Variants in SLC5A10 observed in about 807,000 individuals in gnomAD.
SLC5A10 encodes the protein sodium/mannose cotransporter SLC5A10.
In SLC5A10, 55 loss-of-function variants were observed where a neutral mutation model predicts 68.9. That is an observed-to-expected ratio of 0.80 (90% confidence interval 0.64 to 1.00). SLC5A10 has a LOEUF of 1.00. SLC5A10 is among the 50% of genes least tolerant of loss of function. The pLI, the probability that SLC5A10 is intolerant of heterozygous loss-of-function variation, is 0.00. For missense variants in SLC5A10, 732 were observed against 819.3 expected, an observed-to-expected ratio of 0.89 and a Z score of 1.30; for synonymous variants, 344 against 344.8, an observed-to-expected ratio of 1.00 and a Z score of 0.02.
intron 3 of SLC5A10, 40 bp downstream of exon 3, chr17:18,959,279 G>T (rs745960581): frequency 1.0e-5 from 16 of 1,591,232 alleles, no homozygotes; most frequent in Middle Eastern, 3.8e-4. Context: ...GAGGGCCAGG[G>T]CACAGGATGT....
chr17:18,994,241 C>G (rs531928077), intron 9 of SLC5A10, among the ~76,000 whole-genome samples: 6 of 152,354 alleles, frequency 3.9e-5, no homozygotes, highest in African/African-American at 1.4e-4. Context: ...CCATGGACAA[C>G]AGGCTTCAAT....
At chr17:18,979,584 A>G (rs1305893077) in intron 9 of SLC5A10, 2 of 1,613,520 alleles carry the variant, frequency 1.2e-6, no homozygotes, top group Non-Finnish European at 1.7e-6. Flanking sequence ...CTCCATCCAC[A>G]AACATGAACT....
At position 18,968,290 on chromosome 17, in the gene SLC5A10, T is replaced by C. The variant is rs1204325395; in HGVS notation, c.454-762T>C. 6.6e-6 allele frequency among the ~76,000 whole-genome samples: 1 copy of C among 152,106 alleles called. No individual in the cohort carries two copies. Among genetic ancestry groups the C allele is most frequent in the East Asian group, 1.9e-4 (1 of 5,190 alleles). ...AAAGCAGAATGGTAGGTTTAGGAAC[T>C]CAGGGGTGGGGCAAGGTGAAGCCTG... is the stretch of plus-strand genomic sequence containing the variant. On this transcript the variant is annotated intron_variant, in intron 5 of 14. Transcript: ENST00000395645. The surrounding 1 kb of genome is among the most constrained non-coding windows in gnomAD (Gnocchi z 4.1).
In SLC5A10 at chr17:19,020,183, C is replaced by A. The variant is rs779074542; in HGVS notation, c.1655C>A (p.Ala552Asp). The A allele has an allele frequency of 6.3e-7, 1 of 1,577,014 alleles. No individual in the cohort carries two copies. The highest frequency in any genetic ancestry group is 1.7e-5 in the Admixed American group (1 of 58,306). ...GAGAACCTTACCTGGTGGACCCTGG[C>A]TCAGGATGTGCCCTTGGGAACTAAA... Reference protein sequence around the residue: ...QIENLTWWTLAQDVPLGTKAG... With the variant: ...QIENLTWWTLDQDVPLGTKAG... Residue 552 changes from alanine to aspartate, a missense_variant, in exon 14 of 15, where the codon GCT becomes GAT. Transcript: ENST00000395645.
At chr17:19,005,505 GC>G (rs1484393233) in intron 9 of SLC5A10, among the ~76,000 whole-genome samples, 1 of 152,170 alleles carries the variant, frequency 6.6e-6, no homozygotes, top group Non-Finnish European at 1.5e-5. Flanking sequence ...CCCATCGCGT[GC>G]CGCAGCCAGT....
At chr17:18,954,724 T>C (rs1296919022) in intron 1 of SLC5A10, among the ~76,000 whole-genome samples, 1 of 152,176 alleles carries the variant, frequency 6.6e-6, no homozygotes, top group African/African-American at 2.4e-5. Flanking sequence ...TTTGCATTCA[T>C]TAAAGTATCT....
At chr17:18,985,911 C>G (rs973803429) in intron 9 of SLC5A10, among the ~76,000 whole-genome samples, 2 of 152,366 alleles carry the variant, frequency 1.3e-5, no homozygotes, top group African/African-American at 4.8e-5. Flanking sequence ...AGCCCAGGGC[C>G]TGGGATTTAG....
chr17:18,955,901 T>C (rs1597810063), intron 1 of SLC5A10, among the ~76,000 whole-genome samples: 1 of 151,852 alleles, frequency 6.6e-6, no homozygotes, highest in East Asian at 1.9e-4. Context: ...GTCTTAAAAA[T>C]AAAAATAAAT....
Position 18,988,667 on chromosome 17 carries a change from G to A in SLC5A10, c.982+11678G>A, listed in dbSNP as rs188550837. 1.3e-3 allele frequency among the ~76,000 whole-genome samples: 194 copies of A among 152,374 alleles called. 2 individuals carry two copies. Among genetic ancestry groups the A allele is most frequent in the African/African-American group, 4.4e-3 (181 of 41,596 alleles). ...GTTGGTGCATTCCCAGGCCAGGGCC[G>A]GCTACGCTCTGCCCTCCTTGTAACA... is the stretch of plus-strand genomic sequence containing the variant. On this transcript the variant is annotated intron_variant, in intron 9 of 14. Transcript: ENST00000395645.
intron 9 of SLC5A10, among the ~76,000 whole-genome samples, chr17:18,998,709 AG>A (rs889877651): frequency 6.6e-6 from 1 of 152,252 alleles, no homozygotes; most frequent in African/African-American, 2.4e-5. Context: ...TGGAGCGCAC[AG>A]GAGTTAACAC....
At chr17:18,956,468 T>A (rs890364958) in intron 1 of SLC5A10, among the ~76,000 whole-genome samples, 11 of 120,888 alleles carry the variant, frequency 9.1e-5, no homozygotes, top group African/African-American at 5.7e-4. Flanking sequence ...TCTTTCTGTT[T>A]TTTTTTTTTT....
Position 18,982,321 on chromosome 17 carries a change from A to C in SLC5A10, c.982+5332A>C, listed in dbSNP as rs140467739. On this transcript the variant is annotated intron_variant, in intron 9 of 14. Coordinates refer to ENST00000395645, the MANE Select transcript of SLC5A10 (RefSeq NM_001042450.4). ...CCTCTTGCCTCATGGCCTGCTCCCCAGCTTGTGCCTGGATGGGCCCCACCC... is the reference window on the plus strand; with the variant it reads ...CCTCTTGCCTCATGGCCTGCTCCCCCGCTTGTGCCTGGATGGGCCCCACCC... Among the ~76,000 whole-genome samples the C allele has an allele frequency of 1.0e-3, 153 of 152,166 alleles. No homozygotes were observed. The East Asian group carries it at 0.026, about 26-fold the overall frequency.
At chr17:18,981,487 G>A (rs540037776) in intron 9 of SLC5A10, among the ~76,000 whole-genome samples, 94 of 152,262 alleles carry the variant, frequency 6.2e-4, no homozygotes, top group Non-Finnish European at 7.8e-4. Flanking sequence ...AGCAGTGCTG[G>A]CATCAGGCAG....
intron 9 of SLC5A10, among the ~76,000 whole-genome samples, chr17:19,001,032 C>T (rs527656603): frequency 1.3e-5 from 2 of 152,312 alleles, no homozygotes; most frequent in African/African-American, 4.8e-5. Flanking sequence ...GAAACACAGG[C>T]CTGGTCCCCA....
At chr17:18,978,696 C>T (rs1425193125) in intron 9 of SLC5A10, 6 of 1,612,988 alleles carry the variant, frequency 3.7e-6, no homozygotes, top group South Asian at 2.2e-5. Flanking sequence ...ACAATAGGCT[C>T]CGGCTCCGGT....
chr17:18,997,882 C>A (rs2043607980), intron 9 of SLC5A10, among the ~76,000 whole-genome samples: 1 of 152,234 alleles, frequency 6.6e-6, no homozygotes, highest in African/African-American at 2.4e-5. Context: ...TTACACACCA[C>A]ACTTTTTCCC....
chr17:18,965,679 A>C (rs1166906773), intron 5 of SLC5A10, among the ~76,000 whole-genome samples: 2 of 152,218 alleles, frequency 1.3e-5, no homozygotes, highest in Admixed American at 1.3e-4. Context: ...GTCCTCTCTC[A>C]GCCTTGCTCC....
intron 9 of SLC5A10, among the ~76,000 whole-genome samples, chr17:18,979,907 G>A (rs958346838): frequency 6.6e-6 from 1 of 152,142 alleles, no homozygotes; most frequent in Non-Finnish European, 1.5e-5. Flanking sequence ...GGTACAAAGG[G>A]GTTGGCATAA....
rs1265013489 is a variant in SLC5A10 at position 18,996,776 on chromosome 17, G to C, written c.983-16634G>C. ...TAGTGGCAGAGGTCTCCTGTTCCTA[G>C]GCTTTTCTCCTAATGGGGGACCCTG... On this transcript the variant is annotated intron_variant, in intron 9 of 14. Coordinates refer to ENST00000395645, the MANE Select transcript of SLC5A10 (RefSeq NM_001042450.4). The surrounding 1 kb of genome is among the most constrained non-coding windows in gnomAD (Gnocchi z 4.4). Among the ~76,000 whole-genome samples the C allele has an allele frequency of 2.0e-5, 3 of 152,176 alleles. No individual in the cohort carries two copies. The highest frequency in any genetic ancestry group is 4.4e-5 in the Non-Finnish European group (3 of 68,022).
Sources: allele counts gnomAD v4.1 joint callset (sites outside exome capture counted in the v4.1 genomes callset), GRCh38; gene constraint gnomAD v4.1.1; non-coding constraint Gnocchi (gnomAD v3.1); transcripts MANE v1.5; gene names NCBI Gene and HGNC (gene_info 2026-07-23, HGNC 2026-07-21).